UBE2E2: variants seen among roughly 807,000 people sequenced by gnomAD.
UBE2E2 encodes ubiquitin conjugating enzyme E2 E2.
UBE2E2 carries 6 observed loss-of-function variants against 24.7 expected under a neutral mutation model. The ratio of observed to expected loss-of-function variants is 0.24; its 90% CI spans 0.13 to 0.48. The LOEUF is 0.48. UBE2E2 is among the 20% of genes least tolerant of loss of function. The probability of loss-of-function intolerance (pLI) is 0.99; values close to 1 mark genes in which losing one functional copy is unlikely to be tolerated. For missense variants in UBE2E2, 169 were observed against 245.0 expected (o/e 0.69, Z 2.07); for synonymous variants, 104 against 83.6 (o/e 1.24, Z -1.33).
rs1038423618 is a variant in UBE2E2, at chr3:23,461,721, A to G, written c.228-37887A>G. On this transcript the variant is annotated intron_variant, in intron 3 of 5. Coordinates refer to ENST00000396703, the MANE Select transcript of UBE2E2 (RefSeq NM_152653.4). ...TTTTTTCATAAGGTCTCTAAGACAG[A>G]TATCTCCAGTATTAGATGAACACAG... 5.9e-5 allele frequency among the ~76,000 whole-genome samples: 9 copies of G among 152,298 alleles called. No individual in the cohort carries two copies. In the East Asian group the frequency reaches 1.4e-3, roughly 23 times the overall value.
At chr3:23,504,450 T>C (rs554092581) in intron 4 of UBE2E2, among the ~76,000 whole-genome samples, 4 of 152,222 alleles carry the variant, frequency 2.6e-5, no homozygotes, top group Non-Finnish European at 5.9e-5. Flanking sequence ...TTAAATTTGT[T>C]GCTGTGGAAT....
rs1324325816 is a variant in UBE2E2 at position 23,280,014 on chromosome 3, CA to C, written c.227+62703del. Among the ~76,000 whole-genome samples, 1 of 152,196 alleles carries C rather than the reference CA, an allele frequency of 6.6e-6. No homozygotes were observed. The highest frequency in any genetic ancestry group is 2.4e-5 in the African/African-American group (1 of 41,460). The stretch of plus-strand genomic sequence containing the variant: ...ATGCTTAAGATCAATTAATAGTAGA[CA>C]TTGTCTCTCATTCACCTATTAGGCC... On this transcript the variant is annotated intron_variant, in intron 3 of 5. Coordinates refer to ENST00000396703, the MANE Select transcript of UBE2E2 (RefSeq NM_152653.4). This position sits in a 1 kb window ranked among gnomAD's most constrained non-coding sequence, Gnocchi z 4.3.
At chr3:23,368,881 A>G (rs764311235) in intron 3 of UBE2E2, among the ~76,000 whole-genome samples, 12 of 152,188 alleles carry the variant, frequency 7.9e-5, no homozygotes, top group Non-Finnish European at 1.8e-4. Flanking sequence ...ACCATTTCCC[A>G]ATGACTTCTT....
chr3:23,249,881 C>A (rs1048584580), intron 3 of UBE2E2, among the ~76,000 whole-genome samples: 17 of 152,150 alleles, frequency 1.1e-4, no homozygotes, highest in Non-Finnish European at 2.2e-4. Flanking sequence ...TAGTCTCGAT[C>A]TCCTGACCTC....
At chr3:23,451,959 A>G (rs1420110333) in intron 3 of UBE2E2, among the ~76,000 whole-genome samples, 5 of 152,176 alleles carry the variant, frequency 3.3e-5, no homozygotes, top group Admixed American at 3.3e-4. Context: ...TTTACCATCA[A>G]CCTGTTAATG....
intron 3 of UBE2E2, among the ~76,000 whole-genome samples, chr3:23,219,791 A>T (rs1006059402): frequency 6.6e-6 from 1 of 152,128 alleles, no homozygotes; most frequent in Admixed American, 6.5e-5. Flanking sequence ...TGTAAAGATT[A>T]TATGTGAGGG....
intron 3 of UBE2E2, among the ~76,000 whole-genome samples, chr3:23,486,145 C>A (rs867422339): frequency 3.9e-5 from 6 of 152,284 alleles, no homozygotes; most frequent in African/African-American, 1.4e-4. Context: ...CACAAAGTGG[C>A]GAGGGGTGTG....
chr3:23,363,873 A>G (rs1419705396), intron 3 of UBE2E2, among the ~76,000 whole-genome samples: 3 of 152,280 alleles, frequency 2.0e-5, no homozygotes, highest in Non-Finnish European at 4.4e-5. Context: ...CATGTACTCT[A>G]AAATTGACCA....
At chr3:23,537,097 C>A (rs1432436192) in intron 5 of UBE2E2, among the ~76,000 whole-genome samples, 1 of 152,186 alleles carries the variant, frequency 6.6e-6, no homozygotes, top group Non-Finnish European at 1.5e-5. Context: ...TTAAGGTAAT[C>A]TGTAAGTGGT....
At chr3:23,254,691 T>A (rs1381834946) in intron 3 of UBE2E2, among the ~76,000 whole-genome samples, 4 of 152,014 alleles carry the variant, frequency 2.6e-5, no homozygotes, top group African/African-American at 9.7e-5. Context: ...ATGGAAAGGG[T>A]TTGGGGGTGT....
intron 3 of UBE2E2, among the ~76,000 whole-genome samples, chr3:23,411,280 C>CT (rs1697490267): frequency 6.6e-6 from 1 of 152,152 alleles, no homozygotes; most frequent in African/African-American, 2.4e-5. Context: ...TTGGGAGTCA[C>CT]TTGCGGTTGG....
At chr3:23,378,530 G>A (rs2125347701) in intron 3 of UBE2E2, among the ~76,000 whole-genome samples, 1 of 152,120 alleles carries the variant, frequency 6.6e-6, no homozygotes, top group East Asian at 1.9e-4. Flanking sequence ...GTTTCTCAGA[G>A]CTTGGTTACA....
intron 3 of UBE2E2, among the ~76,000 whole-genome samples, chr3:23,306,744 G>A (rs1049952681): frequency 9.2e-5 from 14 of 152,036 alleles, no homozygotes; most frequent in African/African-American, 2.7e-4. Context: ...TGATACCTAC[G>A]GAGCAAGAAC....
intron 4 of UBE2E2, among the ~76,000 whole-genome samples, chr3:23,527,513 A>T (rs1282232530): frequency 6.6e-6 from 1 of 152,186 alleles, no homozygotes; most frequent in Non-Finnish European, 1.5e-5. Flanking sequence ...GTGTCTTCTG[A>T]TGCTAATGAG....
chr3:23,481,159 C>G (rs1415350078), intron 3 of UBE2E2, among the ~76,000 whole-genome samples: 1 of 152,180 alleles, frequency 6.6e-6, no homozygotes, highest in Non-Finnish European at 1.5e-5. Flanking sequence ...AGAAGCCCAG[C>G]TGGCATAAGC....
intron 3 of UBE2E2, among the ~76,000 whole-genome samples, chr3:23,343,767 T>C (rs922095629): frequency 1.3e-5 from 2 of 152,172 alleles, no homozygotes; most frequent in African/African-American, 2.4e-5. Flanking sequence ...TCTCACACCA[T>C]TGATAAGTTT....
rs1339282153 is a variant in UBE2E2 at position 23,591,450 on chromosome 3, A to C, written c.*1619A>C. Reference sequence around the variant, plus strand: ...TTTAAATATTGCAAATGCCACTTCTAAACCAAAATACCTGAGAATATTTTT... The same window carrying C: ...TTTAAATATTGCAAATGCCACTTCTCAACCAAAATACCTGAGAATATTTTT... On this transcript the variant is annotated 3_prime_UTR_variant, in exon 6 of 6. Coordinates refer to ENST00000396703, the MANE Select transcript of UBE2E2 (RefSeq NM_152653.4). 6.6e-6 allele frequency: 1 copy of C among 152,260 alleles called. No individual in the cohort carries two copies. Among genetic ancestry groups the C allele is most frequent in the Non-Finnish European group, 1.5e-5 (1 of 68,050 alleles). The allele number at this position is 152,260 out of a possible 1,614,324, so 9.4% of individuals were successfully genotyped here.
chr3:23,386,934 C>T (rs996183597), intron 3 of UBE2E2, among the ~76,000 whole-genome samples: 3 of 152,188 alleles, frequency 2.0e-5, no homozygotes, highest in Non-Finnish European at 4.4e-5. Flanking sequence ...ATAGTGGTCC[C>T]TGCTGCCTGA....
At chr3:23,587,347 T>A (rs1384447502) in intron 5 of UBE2E2, among the ~76,000 whole-genome samples, 1 of 152,216 alleles carries the variant, frequency 6.6e-6, no homozygotes, top group Non-Finnish European at 1.5e-5. Flanking sequence ...CCCTTTGAGC[T>A]GAAGTGGCAG....
Sources: gnomAD v4.1 joint callset for allele counts (sites outside exome capture counted in the v4.1 genomes callset) on GRCh38, gnomAD v4.1.1 for gene constraint, Gnocchi (gnomAD v3.1) non-coding constraint, MANE v1.5 for transcripts, NCBI Gene and HGNC (gene_info 2026-07-23, HGNC 2026-07-21) for gene names.